Variants in TMEM230 observed in about 807,000 individuals in gnomAD.
TMEM230 encodes UPF0414 transmembrane protein C20orf30.
TMEM230 carries 10 observed loss-of-function variants against 15.8 expected under a neutral mutation model. The ratio of observed to expected loss-of-function variants is 0.63; its 90% CI spans 0.39 to 1.07. TMEM230 has a LOEUF of 1.07. Among genes scored for constraint, TMEM230 ranks in the 50% least tolerant of loss-of-function variants. The pLI, the probability that TMEM230 is intolerant of heterozygous loss-of-function variation, is 0.01. For synonymous variants in TMEM230, 67 were observed against 76.9 expected (o/e 0.87, Z 0.68); for missense variants, 165 against 193.3 (o/e 0.85, Z 0.87).
downstream of TMEM230, among the ~76,000 whole-genome samples, chr20:5,064,633 A>G (rs766568725): frequency 9.9e-5 from 15 of 152,190 alleles, no homozygotes; most frequent in Non-Finnish European, 1.8e-4. Context: ...GAGGCTGACA[A>G]GTGAATAGCA....
At chr20:5,076,756 C>G (rs531235293) in intron 3 of TMEM230, among the ~76,000 whole-genome samples, 13 of 145,124 alleles carry the variant, frequency 9.0e-5, no homozygotes, top group African/African-American at 3.1e-4. Context: ...TGGCTCACTG[C>G]AACCTCTGCC....
chr20:5,111,829 AT>A, intron 1 of TMEM230: 2 of 970,308 alleles, frequency 2.1e-6, no homozygotes, highest in Non-Finnish European at 2.4e-6. Flanking sequence ...AAAATAACAA[AT>A]TGTTTTTCTT....
chr20:5,103,475 C>T (rs2089950255), intron 4 of TMEM230, among the ~76,000 whole-genome samples: 1 of 151,502 alleles, frequency 6.6e-6, no homozygotes, highest in African/African-American at 2.4e-5. Flanking sequence ...GCCTGGGCAA[C>T]ACGGCAAAAC....
intron 3 of TMEM230, among the ~76,000 whole-genome samples, chr20:5,093,476 C>G (rs1467090435): frequency 1.3e-5 from 2 of 151,744 alleles, no homozygotes; most frequent in Non-Finnish European, 2.9e-5. Context: ...CCTGGGCTCA[C>G]GCAATCTGCC....
rs1371591223 is a variant in TMEM230 at position 5,113,034 on chromosome 20, G to A, written c.-6C>T. ...GGCAGCGCCCAAGGTTGCATGGCAT[G>A]GCCCGCTTAAGTGCCACTCAGCCGG... On this transcript the variant is annotated 5_prime_UTR_variant, in exon 1 of 5. Transcript: ENST00000342308. 6 of 1,546,712 alleles carry A rather than the reference G, an allele frequency of 3.9e-6. No homozygotes were observed. The highest frequency in any genetic ancestry group is 1.4e-5 in the African/African-American group (1 of 73,154).
chr20:5,101,023 T>C (rs764077198), intron 4 of TMEM230, 92 bp from the exon 4 acceptor site: 6 of 1,461,944 alleles, frequency 4.1e-6, no homozygotes, highest in Middle Eastern at 1.8e-4. Flanking sequence ...ATCAGTATTT[T>C]ATACTCTTCA....
At chr20:5,084,489 T>C (rs747050248) in intron 3 of TMEM230, among the ~76,000 whole-genome samples, 5 of 152,068 alleles carry the variant, frequency 3.3e-5, no homozygotes, top group Non-Finnish European at 5.9e-5. Flanking sequence ...CCCAAAGTTC[T>C]GGGATTACAG....
At chr20:5,098,544 C>T (rs964311109), downstream of TMEM230, 1 of 152,058 alleles carries the variant, frequency 6.6e-6, no homozygotes, top group Admixed American at 6.6e-5. Context: ...TGCAGGGAGT[C>T]TGATTTTGGC....
chr20:5,089,374 C>CA (rs11357562), intron 3 of TMEM230, among the ~76,000 whole-genome samples: 164 of 142,610 alleles, frequency 1.1e-3, no homozygotes, highest in African/African-American at 3.5e-3. Flanking sequence ...GAATCTGTTC[C>CA]AAAAAAAAAA....
At chr20:5,111,738 T>C in intron 1 of TMEM230, 19 of 969,806 alleles carry the variant, frequency 2.0e-5, no homozygotes, top group Non-Finnish European at 2.3e-5. Flanking sequence ...ATTATCATCA[T>C]CACAATAATG....
Position 5,080,844 on chromosome 20 carries a change from T to C in TMEM230, c.223-11495A>G, listed in dbSNP as rs2089156798. Among the ~76,000 whole-genome samples the C allele has an allele frequency of 2.0e-5, 3 of 152,186 alleles. No homozygotes were observed. In the South Asian group the frequency reaches 6.2e-4, roughly 31 times the overall value. On this transcript the variant is annotated intron_variant, in intron 3 of 3. Coordinates refer to the TMEM230 transcript ENST00000612323. The stretch of plus-strand genomic sequence containing the variant: ...CATGAGCCACTGCACCCAGCCATCT[T>C]TCTCAGACTTGAAATAGCAGATGAG...
chr20:5,104,453 A>G (rs1005380906), intron 4 of TMEM230, among the ~76,000 whole-genome samples: 1 of 152,258 alleles, frequency 6.6e-6, no homozygotes, highest in African/African-American at 2.4e-5. Flanking sequence ...GGGAATGTAA[A>G]TTAGTATAGC....
chr20:5,067,298 C>T (rs951637633), downstream of TMEM230: 3 of 151,404 alleles, frequency 2.0e-5, no homozygotes, highest in African/African-American at 7.3e-5. Flanking sequence ...GAGCAAGTCT[C>T]AGTGGTGCTG....
chr20:5,112,757 T>G, intron 1 of TMEM230: 1 of 1,466,366 alleles, frequency 6.8e-7, no homozygotes, highest in Non-Finnish European at 9.0e-7. Flanking sequence ...CTTCAGACCT[T>G]GCCAGGGAGA....
At chr20:5,099,508 G>A (rs2089773751), downstream of TMEM230, among the ~76,000 whole-genome samples, 1 of 151,546 alleles carries the variant, frequency 6.6e-6, no homozygotes, top group Admixed American at 6.6e-5. Context: ...TCACTCTACT[G>A]GTGATCTCAA....
At chr20:5,077,707 G>A (rs6038060) in intron 3 of TMEM230, among the ~76,000 whole-genome samples, 8,224 of 151,982 alleles carry the variant, frequency 0.054, 574 homozygotes, top group African/African-American at 0.17. Flanking sequence ...GGTGGCAGGC[G>A]CCTGTAGTCC....
intron 3 of TMEM230, among the ~76,000 whole-genome samples, chr20:5,092,445 C>T (rs1183868560): frequency 6.6e-6 from 1 of 152,238 alleles, no homozygotes; most frequent in East Asian, 1.9e-4. Flanking sequence ...AGGCCAGGCA[C>T]GGTGGCTCAC....
At chr20:5,082,922 G>GTTTTTTTT (rs140284230) in intron 3 of TMEM230, among the ~76,000 whole-genome samples, 1 of 127,254 alleles carries the variant, frequency 7.9e-6, no homozygotes, top group Non-Finnish European at 1.6e-5. Flanking sequence ...TCTTCATATT[G>GTTTTTTTT]TTTTTTTTTT....
intron 2 of TMEM230, among the ~76,000 whole-genome samples, chr20:5,109,877 A>G (rs1252266729): frequency 6.6e-6 from 1 of 152,184 alleles, no homozygotes; most frequent in African/African-American, 2.4e-5. Context: ...CTTAAGAAAA[A>G]GCAAGAGGAG....
Sources: allele counts gnomAD v4.1 joint callset (sites outside exome capture counted in the v4.1 genomes callset), GRCh38; gene constraint gnomAD v4.1.1; transcripts MANE v1.5; gene names NCBI Gene and HGNC (gene_info 2026-07-23, HGNC 2026-07-21).